The following STK3 variants were observed in gnomAD, a reference collection of about 807,000 sequenced individuals.
The protein encoded by STK3 is serine/threonine kinase 3, also known as serine/threonine-protein kinase 3.
A neutral mutation model predicts 58.0 loss-of-function variants in STK3; 41 were observed. The observed-to-expected ratio is 0.71, with a 90% CI of 0.55 to 0.92. The LOEUF is 0.92. Among genes scored for constraint, STK3 ranks in the 40% least tolerant of loss-of-function variants. STK3 has a pLI of 0.00. For synonymous variants in STK3, 170 were observed against 191.0 expected, an observed-to-expected ratio of 0.89 and a Z score of 0.91; for missense variants, 479 against 602.7, an observed-to-expected ratio of 0.79 and a Z score of 2.15.
At chr8:98,707,761 T>C (rs1826067015) in intron 4 of STK3, among the ~76,000 whole-genome samples, 1 of 152,090 alleles carries the variant, frequency 6.6e-6, no homozygotes, top group Admixed American at 6.6e-5. Context: ...AAGGGGTAAA[T>C]AATCGAGAAC....
intron 6 of STK3, among the ~76,000 whole-genome samples, chr8:98,700,455 C>T (rs746584815): frequency 1.1e-4 from 16 of 152,230 alleles, no homozygotes; most frequent in Admixed American, 3.3e-4. Flanking sequence ...CCGTCTTCTG[C>T]GTCGCTCACG....
chr8:98,655,279 G>A (rs1042546617), intron 6 of STK3, among the ~76,000 whole-genome samples: 7 of 152,004 alleles, frequency 4.6e-5, no homozygotes, highest in South Asian at 2.1e-4. Flanking sequence ...ACTGGCTAGC[G>A]ACATGTAGAA....
downstream of STK3, chr8:98,880,859 A>G (rs980943526): frequency 3.9e-5 from 6 of 152,154 alleles, no homozygotes; most frequent in East Asian, 1.2e-3. Flanking sequence ...AGCAACAGAA[A>G]CTTCAGTTCA....
intron 1 of STK3, among the ~76,000 whole-genome samples, chr8:98,446,806 C>T (rs751059335): frequency 6.6e-6 from 1 of 152,004 alleles, no homozygotes; most frequent in East Asian, 2.0e-4. Context: ...ATTGCTGCAT[C>T]ACTCACAATA....
intron 6 of STK3, among the ~76,000 whole-genome samples, chr8:98,640,378 T>A (rs971566218): frequency 6.6e-6 from 1 of 152,198 alleles, no homozygotes; most frequent in Non-Finnish European, 1.5e-5. Context: ...AAAAGAATTT[T>A]ATACACAAAA....
chr8:98,352,020 C>T, the STK3 span, among the ~76,000 whole-genome samples: 1,338 of 151,904 alleles, frequency 8.8e-3, 14 homozygotes, highest in African/African-American at 0.028. Context: ...TAGCCAGATC[C>T]CAGCTACCTG....
chr8:98,902,621 A>T (rs1213432406), intron 1 of STK3, among the ~76,000 whole-genome samples: 1 of 152,192 alleles, frequency 6.6e-6, no homozygotes, highest in Non-Finnish European at 1.5e-5. Context: ...GTCCTGGCCC[A>T]AGCCTTCTCT....
chr8:98,757,222 C>T (rs1830343772), intron 3 of STK3, among the ~76,000 whole-genome samples: 1 of 151,196 alleles, frequency 6.6e-6, no homozygotes, highest in South Asian at 2.1e-4. Context: ...GCTCTGTCGC[C>T]CAGGCTAGAG....
chr8:98,653,363 A>G (rs1039704342), intron 6 of STK3, among the ~76,000 whole-genome samples: 7 of 152,128 alleles, frequency 4.6e-5, no homozygotes, highest in East Asian at 1.9e-4. Context: ...AGCACTAAAT[A>G]CCCAAAAGAG....
chr8:98,373,910 C>G (rs1450220486), intron 2 of STK3, among the ~76,000 whole-genome samples: 2 of 152,122 alleles, frequency 1.3e-5, no homozygotes, highest in African/African-American at 4.8e-5. Flanking sequence ...GACTCCAAAA[C>G]CTATATTCTT....
chr8:98,703,290 A>G lies in STK3; in HGVS notation c.684+3177T>C, dbSNP rs201780622. Reference sequence around the variant, plus strand: ...ACAGAACAAACTGAGTTCATATCTCAGTTCTGCCACTGACAAGTTATGTCA... The same window carrying G: ...ACAGAACAAACTGAGTTCATATCTCGGTTCTGCCACTGACAAGTTATGTCA... On this transcript the variant is annotated intron_variant, in intron 6 of 10. Transcript: ENST00000419617. 3.3e-5 allele frequency among the ~76,000 whole-genome samples: 5 copies of G among 152,286 alleles called. No individual in the cohort carries two copies. In the East Asian group the frequency reaches 9.6e-4, roughly 29 times the overall value.
At chr8:98,629,191 T>G (rs1818983474) in intron 6 of STK3, among the ~76,000 whole-genome samples, 1 of 151,388 alleles carries the variant, frequency 6.6e-6, no homozygotes, top group African/African-American at 2.4e-5. Context: ...TATGATAGGC[T>G]CAGCTGGTAG....
At chr8:98,399,077 T>C (rs143412714), downstream of STK3, among the ~76,000 whole-genome samples, 39 of 152,270 alleles carry the variant, frequency 2.6e-4, no homozygotes, top group South Asian at 1.7e-3. Context: ...ATAAACTGAA[T>C]ATTCAAAGAG....
chr8:98,715,722 G>A (rs1826955393), intron 4 of STK3, among the ~76,000 whole-genome samples: 1 of 152,184 alleles, frequency 6.6e-6, no homozygotes, highest in African/African-American at 2.4e-5. Flanking sequence ...AAGTCGGTGT[G>A]GCGATTCCTC....
At chr8:98,841,577 T>C (rs1835983367) in intron 3 of STK3, among the ~76,000 whole-genome samples, 1 of 149,320 alleles carries the variant, frequency 6.7e-6, no homozygotes. Flanking sequence ...TGTAACCCCA[T>C]GGCTTTGGGA....
chr8:98,718,017 TAG>T (rs2131164684), intron 4 of STK3, among the ~76,000 whole-genome samples: 1 of 152,260 alleles, frequency 6.6e-6, no homozygotes, highest in Non-Finnish European at 1.5e-5. Context: ...CACATCTAGA[TAG>T]ACAGTAGAAC....
In STK3 at chr8:98,471,753, T is replaced by C. The variant is rs578209863; in HGVS notation, c.1318-15753A>G. ...TTCTAGACAAGGAAGGAATCACCAG[T>C]AGCACTGCTGGGCTATGGGTAGGTG... On this transcript the variant is annotated intron_variant, in intron 10 of 10. Coordinates refer to ENST00000419617, the MANE Select transcript of STK3 (RefSeq NM_006281.4). Among the ~76,000 whole-genome samples, 9 of 152,244 alleles carry C rather than the reference T, an allele frequency of 5.9e-5. No homozygotes were observed. The South Asian group carries it at 1.7e-3, about 28-fold the overall frequency.
the STK3 span, among the ~76,000 whole-genome samples, chr8:98,364,193 T>A: frequency 2.6e-4 from 40 of 152,040 alleles, 1 homozygote; most frequent in Admixed American, 2.0e-3. Flanking sequence ...GGCTGGAGGG[T>A]CGTCTTGGCG....
upstream of STK3, among the ~76,000 whole-genome samples, chr8:98,392,859 T>A (rs148908642): frequency 3.3e-4 from 50 of 152,336 alleles, no homozygotes; most frequent in Admixed American, 6.5e-4. Flanking sequence ...CCACTTCAGC[T>A]GGCACACAGA....
Sources: allele counts gnomAD v4.1 joint callset (sites outside exome capture counted in the v4.1 genomes callset), GRCh38; gene constraint gnomAD v4.1.1; transcripts MANE v1.5; gene names NCBI Gene and HGNC (gene_info 2026-07-23, HGNC 2026-07-21).